Variants in TGM7 observed in about 807,000 individuals in gnomAD.
The protein encoded by TGM7 is transglutaminase 7, also known as protein-glutamine gamma-glutamyltransferase Z.
A neutral mutation model predicts 79.5 loss-of-function variants in TGM7; 74 were observed. That is an observed-to-expected ratio of 0.93 (90% confidence interval 0.77 to 1.13). TGM7 has a LOEUF of 1.13. Among genes scored for constraint, TGM7 ranks in the 50% most tolerant of loss-of-function variants. TGM7 has a pLI of 0.00. For synonymous variants in TGM7, 354 were observed against 362.5 expected (o/e 0.98, Z 0.27); for missense variants, 912 against 905.9 (o/e 1.01, Z -0.09).
rs146377089 is a variant in TGM7, at chr15:43,282,611, G to A, written c.1014C>T (p.His338=). The change falls in exon 8 of 13, where the codon CAC becomes CAT. Residue 338 remains histidine (H), a synonymous_variant. Coordinates refer to ENST00000452443, the MANE Select transcript of TGM7 (RefSeq NM_052955.3). ...TQKRDKIWNF[H]VWNECWMIRK... ...GGATCATCCAGCACTCATTCCAGAC[G>A]TGGAAGTTCCTGCAGGAGGGAGTAA... is the stretch of plus-strand genomic sequence containing the variant. 51 of 1,594,996 alleles carry A rather than the reference G, an allele frequency of 3.2e-5. No homozygotes were observed. The African/African-American group carries it at 4.0e-4, about 13-fold the overall frequency.
In TGM7 at chr15:43,287,592, G is replaced by C. The variant is rs766899551; in HGVS notation, c.636C>G (p.Asp212Glu). The C allele has an allele frequency of 1.2e-5, 19 of 1,614,100 alleles. No individual in the cohort carries two copies. The change falls in exon 5 of 13, where the codon GAC becomes GAG. Residue 212 changes from aspartate to glutamate, a missense_variant. By Grantham distance (45) the Asp-to-Glu change is conservative. Transcript: ENST00000452443. ...SLYHLKNPAK[D>E]CSQRNDVVYV... The stretch of plus-strand genomic sequence containing the variant: ...ACACCACGTCGTTCCGCTGGGAACA[G>C]TCTTTGGCCGGGTTCTTTAAGTGAT...
Position 43,293,522 on chromosome 15 carries a change from G to T in TGM7, c.120C>A (p.Pro40=). Residue 40 remains proline (P), a synonymous_variant, in exon 2 of 13, where the codon CCC becomes CCA. Coordinates refer to ENST00000452443, the MANE Select transcript of TGM7 (RefSeq NM_052955.3). ...VKRLTVRRGQ[P]FYLRLSFSRP... ...GGCTGAAGCTCAGCCGGAGGTAGAA[G>T]GGCTGGCCGCGGCGCACAGTGAGCC... 6.2e-7 allele frequency: 1 copy of T among 1,611,972 alleles called. No individual in the cohort carries two copies. Among genetic ancestry groups the T allele is most frequent in the South Asian group, 1.1e-5 (1 of 91,008 alleles).
chr15:43,280,762 A>G (rs2042903708), intron 9 of TGM7, among the ~76,000 whole-genome samples: 1 of 152,236 alleles, frequency 6.6e-6, no homozygotes, highest in Non-Finnish European at 1.5e-5. Context: ...CCATCATTAC[A>G]AGACTGAACG....
rs904401104 is a variant in TGM7 at position 43,281,989 on chromosome 15, G to A, written c.1206C>T (p.Ala402=). Residue 402 remains alanine, a synonymous_variant, in exon 9 of 13, where the codon GCC becomes GCT. Coordinates refer to ENST00000452443, the MANE Select transcript of TGM7 (RefSeq NM_052955.3). ...DTPFVYAEVN[A]DEVIWLLGDG... is the part of the protein sequence containing the mutation. ...CCCCAAGGAGCCAAATGACTTCATC[G>A]GCGTTCACCTCGGCATACACAAAAG... 9.9e-6 allele frequency: 16 copies of A among 1,614,134 alleles called. No homozygotes were observed. The highest frequency in any genetic ancestry group is 3.3e-5 in the Admixed American group (2 of 60,022).
At chr15:43,281,479 C>T (rs1329299199) in intron 9 of TGM7, among the ~76,000 whole-genome samples, 1 of 152,218 alleles carries the variant, frequency 6.6e-6, no homozygotes, top group East Asian at 1.9e-4. Flanking sequence ...TAGTATAGTA[C>T]ATCCCATGCA....
chr15:43,284,642 C>G (rs773930712), intron 7 of TGM7, among the ~76,000 whole-genome samples, 172 bp downstream of exon 7: 1 of 152,226 alleles, frequency 6.6e-6, no homozygotes, highest in Non-Finnish European at 1.5e-5. Flanking sequence ...AATTTGATGA[C>G]CTAATTAGCC....
chr15:43,291,363 G>A (rs1193692696), intron 4 of TGM7, among the ~76,000 whole-genome samples: 1 of 152,146 alleles, frequency 6.6e-6, no homozygotes, highest in East Asian at 1.9e-4. Context: ...GCTGGATTAC[G>A]TTTATTGATT....
chr15:43,292,575 A>G, intron 3 of TGM7, 134 bp downstream of exon 3: 1 of 1,118,250 alleles, frequency 8.9e-7, no homozygotes, highest in Non-Finnish European at 1.3e-6. Context: ...CTTTGTAAAG[A>G]TGATTTTTGT....
chr15:43,292,700 A>G lies in TGM7; in HGVS notation c.439+9T>C, dbSNP rs1380714985. 1 of 1,613,498 alleles carries G rather than the reference A, an allele frequency of 6.2e-7. No individual in the cohort carries two copies. The highest frequency in any genetic ancestry group is 8.5e-7 in the Non-Finnish European group (1 of 1,179,666). Reference sequence around the variant, plus strand: ...CAGGTTAGCAATACAAGCTGTGGGCACATCCTACCTGGACTCCAAGGGTTA... The same window carrying G: ...CAGGTTAGCAATACAAGCTGTGGGCGCATCCTACCTGGACTCCAAGGGTTA... On this transcript the variant is annotated intron_variant, in intron 3 of 12. Coordinates refer to ENST00000452443, the MANE Select transcript of TGM7 (RefSeq NM_052955.3).
intron 1 of TGM7, among the ~76,000 whole-genome samples, chr15:43,301,539 A>T (rs2043025206): frequency 6.6e-6 from 1 of 151,300 alleles, no homozygotes. Context: ...CTGAGGTAGG[A>T]GAATCCCTTG....
chr15:43,301,754 G>A (rs1401169783), intron 1 of TGM7, among the ~76,000 whole-genome samples: 1 of 152,202 alleles, frequency 6.6e-6, no homozygotes, highest in Non-Finnish European at 1.5e-5. Flanking sequence ...TCCCAGGAGA[G>A]GAGTGGCAGG....
At chr15:43,285,572 T>C (rs183746825) in intron 6 of TGM7, among the ~76,000 whole-genome samples, 24 of 152,182 alleles carry the variant, frequency 1.6e-4, no homozygotes, top group African/African-American at 5.1e-4. Context: ...CCACCCTAGC[T>C]CTGAAATTTG....
intron 1 of TGM7, 91 bp downstream of exon 1, chr15:43,302,150 T>C: frequency 6.7e-7 from 1 of 1,486,916 alleles, no homozygotes. Flanking sequence ...CAGGCTCTCC[T>C]GTCGCTTCCC....
rs764978845 is a variant in TGM7, at chr15:43,287,659, T to C, written c.569A>G (p.Asp190Gly). 6.2e-7 allele frequency: 1 copy of C among 1,608,902 alleles called. No individual in the cohort carries two copies. Among genetic ancestry groups the C allele is most frequent in the African/African-American group, 1.3e-5 (1 of 74,524 alleles). ...GATCTCAAAGCAGATGTCTATGATG[T>C]CCTCTTCAAACTTCCAAGTGATTTT... is the stretch of plus-strand genomic sequence containing the variant. ...WPWNYGQFEEDIIDICFEILN... is the reference protein window; with the variant it reads ...WPWNYGQFEEGIIDICFEILN... The change falls in exon 5 of 13, where the codon GAC becomes GGC. Residue 190 changes from aspartate (D) to glycine (G), a missense_variant. By Grantham distance (94) the Asp-to-Gly change is moderately conservative. Transcript: ENST00000452443.
chr15:43,291,919 G>A, intron 4 of TGM7, 60 bp downstream of exon 4: 1 of 1,230,586 alleles, frequency 8.1e-7, no homozygotes, highest in Non-Finnish European at 1.2e-6. Flanking sequence ...ACATAACAGG[G>A]TTGTGTAAGG....
At chr15:43,298,194 C>A (rs1020849238) in intron 1 of TGM7, among the ~76,000 whole-genome samples, 1 of 152,210 alleles carries the variant, frequency 6.6e-6, no homozygotes, top group Non-Finnish European at 1.5e-5. Context: ...AATCTCCTGC[C>A]ATCCTGGTGG....
chr15:43,279,426 A>C (rs1253766850), intron 10 of TGM7, 149 bp from the exon 11 acceptor site: 2 of 1,149,306 alleles, frequency 1.7e-6, no homozygotes, highest in African/African-American at 3.1e-5. Context: ...CCACGCACAC[A>C]CTGTCCCCAG....
chr15:43,279,038 CTTG>C, intron 11 of TGM7, 76 bp downstream of exon 11: 9 of 1,484,900 alleles, frequency 6.1e-6, no homozygotes, highest in Non-Finnish European at 8.2e-6. Flanking sequence ...GGAACAGTGT[CTTG>C]TTGGCTGCTG....
chr15:43,276,574 G>T lies in TGM7; in HGVS notation c.2014C>A (p.Leu672Met), dbSNP rs1164925991. 1.2e-6 allele frequency: 2 copies of T among 1,614,128 alleles called. No individual in the cohort carries two copies. The highest frequency in any genetic ancestry group is 2.2e-5 in the East Asian group (1 of 44,876). Reference sequence around the variant, plus strand: ...CCAGCTTTGGTCGGGTAGAGGTCCAGTTGAATTTGGAGGGTGTGTCCGGCC... The same window carrying T: ...CCAGCTTTGGTCGGGTAGAGGTCCATTTGAATTTGGAGGGTGTGTCCGGCC... ...LVAGHTLQIQ[L>M]DLYPTKAGPR... The change falls in exon 13 of 13, where the codon CTG becomes ATG. Residue 672 changes from leucine (L) to methionine (M), a missense_variant. Physicochemically the swap from Leu to Met is conservative, Grantham distance 15 (BLOSUM62 2). Coordinates refer to ENST00000452443, the MANE Select transcript of TGM7 (RefSeq NM_052955.3).
Sources: allele counts gnomAD v4.1 joint callset (sites outside exome capture counted in the v4.1 genomes callset), GRCh38; gene constraint gnomAD v4.1.1; transcripts MANE v1.5; gene names NCBI Gene and HGNC (gene_info 2026-07-23, HGNC 2026-07-21).